DST: variants seen among roughly 807,000 people sequenced by gnomAD.
DST encodes bullous pemphigoid antigen.
In DST, 253 loss-of-function variants were observed where a neutral mutation model predicts 875.2. The ratio of observed to expected loss-of-function variants is 0.29; its 90% CI spans 0.26 to 0.32. The LOEUF (loss-of-function observed/expected upper bound fraction) is 0.32, where lower values mean the gene tolerates loss of function less well. Among genes scored for constraint, DST ranks in the 10% least tolerant of loss-of-function variants. DST has a pLI of 1.00. For missense variants in DST, 8,287 were observed against 9,111.6 expected (o/e 0.91, Z 3.68); for synonymous variants, 3,124 against 3,197.1 (o/e 0.98, Z 0.77).
chr6:56,712,768 A>G (rs2099379338), intron 5 of DST, among the ~76,000 whole-genome samples: 1 of 152,198 alleles, frequency 6.6e-6, no homozygotes, highest in Non-Finnish European at 1.5e-5. Flanking sequence ...AATAAAAATC[A>G]TGCAAAGGTT....
chr6:56,788,024 G>A (rs2099708560), intron 4 of DST, among the ~76,000 whole-genome samples: 3 of 148,464 alleles, frequency 2.0e-5, no homozygotes, highest in African/African-American at 7.4e-5. Context: ...AGCTACTCGT[G>A]AGGCTGAGGC....
Position 56,747,222 on chromosome 6 carries a change from T to C in DST, c.626-11933A>G, listed in dbSNP as rs564418764. 7.9e-5 allele frequency among the ~76,000 whole-genome samples: 12 copies of C among 152,326 alleles called. No individual in the cohort carries two copies. The South Asian group carries it at 2.3e-3, about 29-fold the overall frequency. ...ACAGGACAAGAGTAGAATGGTAGAATGTGCTAGGTAAGCTGAGATGTAAAC... is the reference window on the plus strand; with the variant it reads ...ACAGGACAAGAGTAGAATGGTAGAACGTGCTAGGTAAGCTGAGATGTAAAC... On this transcript the variant is annotated intron_variant, in intron 4 of 103. Transcript: ENST00000680361.
intron 9 of DST, among the ~76,000 whole-genome samples, chr6:56,673,405 A>G (rs1010550750): frequency 6.6e-6 from 1 of 152,232 alleles, no homozygotes; most frequent in Admixed American, 6.5e-5. Context: ...AATGACAGAT[A>G]GAAATGGTAG....
Position 56,604,844 on chromosome 6 carries a change from G to T in DST, c.9784C>A (p.Gln3262Lys). 6.2e-7 allele frequency: 1 copy of T among 1,612,628 alleles called. No individual in the cohort carries two copies. Among genetic ancestry groups the T allele is most frequent in the Non-Finnish European group, 8.5e-7 (1 of 1,179,276 alleles). ...GCTTCAATACTTTCTGGTGTGAACT[G>T]AGAAATTTCTGTTCCTCCTCCTGAG... Reference protein sequence around the residue: ...SISGGGTEISQFTPESIEATL... With the variant: ...SISGGGTEISKFTPESIEATL... Residue 3262 changes from glutamine to lysine, a missense_variant, in exon 40 of 104, where the codon CAG becomes AAG. Coordinates refer to ENST00000680361, the MANE Select transcript of DST (RefSeq NM_001374736.1).
intron 47 of DST, among the ~76,000 whole-genome samples, chr6:56,597,014 C>A (rs758901339): frequency 6.6e-6 from 1 of 152,004 alleles, no homozygotes; most frequent in Non-Finnish European, 1.5e-5. Flanking sequence ...AGGATGTGGG[C>A]GGAATGCTTG....
chr6:56,889,235 C>T (rs1028120022), intron 3 of DST, among the ~76,000 whole-genome samples: 2 of 152,214 alleles, frequency 1.3e-5, no homozygotes, highest in African/African-American at 4.8e-5. Context: ...TCACATCTTC[C>T]ATGAAATCCA....
chr6:56,687,810 C>CATTT (rs1479307481), intron 9 of DST, among the ~76,000 whole-genome samples: 14 of 150,526 alleles, frequency 9.3e-5, no homozygotes, highest in Admixed American at 6.6e-4. Flanking sequence ...TGTGAAAATG[C>CATTT]TTCACAAAAT....
intron 5 of DST, among the ~76,000 whole-genome samples, chr6:56,723,367 C>A (rs754660742): frequency 1.8e-4 from 27 of 151,970 alleles, no homozygotes; most frequent in Non-Finnish European, 3.7e-4. Context: ...TGGTTCGAGA[C>A]CAGCCTGAAC....
intron 26 of DST, 49 bp downstream of exon 26, chr6:56,634,413 C>G: frequency 6.2e-7 from 1 of 1,611,138 alleles, no homozygotes; most frequent in Non-Finnish European, 8.5e-7. Flanking sequence ...CTTCAACCTT[C>G]AGAGGGCCCC....
intron 5 of DST, among the ~76,000 whole-genome samples, chr6:56,726,824 C>T (rs1318338852): frequency 6.6e-6 from 1 of 152,136 alleles, no homozygotes; most frequent in Non-Finnish European, 1.5e-5. Flanking sequence ...TCATTCATTA[C>T]ACATCAAATT....
At chr6:56,739,146 G>A (rs1262224109) in intron 4 of DST, among the ~76,000 whole-genome samples, 1 of 147,382 alleles carries the variant, frequency 6.8e-6, no homozygotes, top group Admixed American at 6.9e-5. Context: ...ATGCCTCTAT[G>A]CGCTCAACAG....
chr6:56,561,390 A>C lies in DST; in HGVS notation c.14228T>G (p.Met4743Arg). 6.2e-7 allele frequency: 1 copy of C among 1,613,714 alleles called. No homozygotes were observed. Among genetic ancestry groups the C allele is most frequent in the Non-Finnish European group, 8.5e-7 (1 of 1,179,760 alleles). Residue 4743 changes from methionine to arginine, a missense_variant, in exon 57 of 104, where the codon ATG (methionine) becomes AGG (arginine). Coordinates refer to ENST00000680361, the MANE Select transcript of DST (RefSeq NM_001374736.1). The stretch of plus-strand genomic sequence containing the variant: ...CTGCCATTTTGTTGCAGTTTTGTTC[A>C]TTTTCTGTAACCACTGCATCATTGC... ...SSAMMQWLQKMNKTATKWQQT... is the reference protein window; with the variant it reads ...SSAMMQWLQKRNKTATKWQQT...
intron 4 of DST, among the ~76,000 whole-genome samples, chr6:56,762,210 C>T (rs755560006): frequency 5.3e-5 from 8 of 152,096 alleles, no homozygotes; most frequent in Non-Finnish European, 8.8e-5. Context: ...TTAGTAGAAA[C>T]AGGGTTTCTC....
chr6:56,498,794 GA>G (rs1186310828), intron 80 of DST, among the ~76,000 whole-genome samples: 1 of 152,054 alleles, frequency 6.6e-6, no homozygotes, highest in Non-Finnish European at 1.5e-5. Context: ...CTGCTAAGTT[GA>G]AATATTGGAA....
chr6:56,872,823 C>CCCG (rs1554220751), intron 3 of DST, among the ~76,000 whole-genome samples: 1,570 of 88,822 alleles, frequency 0.018, 33 homozygotes, highest in African/African-American at 0.067. Context: ...TACACTGATT[C>CCCG]CCCCCCCCCT....
In DST at chr6:56,552,878, T is replaced by C. The variant is rs765012738; in HGVS notation, c.15914A>G (p.Gln5305Arg). The C allele has an allele frequency of 5.6e-6, 9 of 1,613,876 alleles. No individual in the cohort carries two copies. The highest frequency in any genetic ancestry group is 7.6e-6 in the Non-Finnish European group (9 of 1,179,900). Residue 5305 changes from glutamine to arginine, a missense_variant, in exon 61 of 104, where the codon CAG (glutamine) becomes CGG (arginine). By Grantham distance (43) the Gln-to-Arg change is conservative. Transcript: ENST00000680361. ...GGTCAGGTATTTGTTACTGTAAGCC[T>C]GGGATCCCAGCGAATCATGGATATC... ...QLDIHDSLGS[Q>R]AYSNKYLTML...
At chr6:56,892,778 T>C (rs1788204828) in intron 3 of DST, among the ~76,000 whole-genome samples, 1 of 152,224 alleles carries the variant, frequency 6.6e-6, no homozygotes, top group Non-Finnish European at 1.5e-5. Context: ...ATCTTTCATA[T>C]ATCATTCACT....
chr6:56,817,085 T>A lies in DST; in HGVS notation c.625+34312A>T, dbSNP rs956202103. The stretch of plus-strand genomic sequence containing the variant: ...ATAAATGGGTGTAGCTTTAAGCCAC[T>A]TAAACACACACACACACACACACAA... On this transcript the variant is annotated intron_variant, in intron 4 of 103. Coordinates refer to ENST00000680361, the MANE Select transcript of DST (RefSeq NM_001374736.1). Among the ~76,000 whole-genome samples, 15 of 128,210 alleles carry A rather than the reference T, an allele frequency of 1.2e-4. No homozygotes were observed. The East Asian group carries it at 2.4e-3, about 21-fold the overall frequency. The allele number at this position is 128,210 out of a possible 152,430, so 84.1% of individuals were successfully genotyped here.
rs112100522 is a variant in DST, at chr6:56,538,107, C to G, written c.16609-1167G>C. ...AAGCCATCCTCCCACCTTAGCCTCC[C>G]CAGTAGCTGGGACCACAGCTGCATG... is the stretch of plus-strand genomic sequence containing the variant. On this transcript the variant is annotated intron_variant, in intron 61 of 103. Coordinates refer to ENST00000680361, the MANE Select transcript of DST (RefSeq NM_001374736.1). Among the ~76,000 whole-genome samples the G allele has an allele frequency of 8.7e-3, 1,318 of 152,204 alleles. 19 individuals carry two copies. The highest frequency in any genetic ancestry group is 0.03 in the African/African-American group (1,244 of 41,518).
Sources: gnomAD v4.1 joint callset for allele counts (sites outside exome capture counted in the v4.1 genomes callset) on GRCh38, gnomAD v4.1.1 for gene constraint, MANE v1.5 for transcripts, NCBI Gene and HGNC (gene_info 2026-07-23, HGNC 2026-07-21) for gene names.